RBFOX3: variants seen among roughly 807,000 people sequenced by gnomAD.
RBFOX3 encodes the protein RNA binding fox-1 homolog 3, also known as RNA binding protein fox-1 homolog 3.
Under a neutral mutation model 48.7 loss-of-function variants are expected in RBFOX3, and 17 were observed. The ratio of observed to expected loss-of-function variants is 0.35; its 90% CI spans 0.24 to 0.52. The LOEUF (loss-of-function observed/expected upper bound fraction) is 0.52. RBFOX3 is among the 20% of genes least tolerant of loss of function. The pLI, the probability that RBFOX3 is intolerant of heterozygous loss-of-function variation, is 0.94. For synonymous variants in RBFOX3, 212 were observed against 209.5 expected, an observed-to-expected ratio of 1.01 and a Z score of -0.10; for missense variants, 382 against 497.5, an observed-to-expected ratio of 0.77 and a Z score of 2.21.
chr17:79,627,457 A>G, the RBFOX3 span, among the ~76,000 whole-genome samples: 4 of 152,180 alleles, frequency 2.6e-5, no homozygotes, highest in African/African-American at 9.7e-5. Flanking sequence ...CAGGGATGGG[A>G]CCAGGGCTCG....
rs2086487331 is a variant in RBFOX3 at position 79,362,181 on chromosome 17, C to T, written c.-174-54357G>A. 1.3e-5 allele frequency among the ~76,000 whole-genome samples: 2 copies of T among 152,362 alleles called. No homozygotes were observed. The highest frequency in any genetic ancestry group is 1.9e-4 in the East Asian group (1 of 5,182). The stretch of plus-strand genomic sequence containing the variant: ...CAAGCGCTGAGCCAACAGAGTTTGC[C>T]TCCTGCCTCACACCGGGGTCTTTCA... On this transcript the variant is annotated intron_variant, in intron 2 of 14. Transcript: ENST00000693108. The surrounding 1 kb of genome is among the most constrained non-coding windows in gnomAD (Gnocchi z 4.2).
Position 79,418,174 on chromosome 17 carries a change from C to T in RBFOX3, c.-175+64280G>A, listed in dbSNP as rs1555720135. On this transcript the variant is annotated intron_variant, in intron 2 of 14. Transcript: ENST00000693108. The surrounding 1 kb of genome is among the most constrained non-coding windows in gnomAD (Gnocchi z 5.0). Reference sequence around the variant, plus strand: ...AACAAGATGAATGTACTTAATGCCACTGAACAGTGCACTTAAAAATGGTTA... The same window carrying T: ...AACAAGATGAATGTACTTAATGCCATTGAACAGTGCACTTAAAAATGGTTA... Among the ~76,000 whole-genome samples the T allele has an allele frequency of 6.6e-6, 1 of 152,220 alleles. No individual in the cohort carries two copies. Among genetic ancestry groups the T allele is most frequent in the East Asian group, 1.9e-4 (1 of 5,204 alleles).
At chr17:79,529,682 A>T (rs2087397061) in intron 1 of RBFOX3, among the ~76,000 whole-genome samples, 1 of 152,194 alleles carries the variant, frequency 6.6e-6, no homozygotes, top group Non-Finnish European at 1.5e-5. Context: ...AGCCCTGGGG[A>T]CACCGCTGAG....
At chr17:79,578,087 G>C (rs2092922559) in intron 1 of RBFOX3, among the ~76,000 whole-genome samples, 1 of 152,278 alleles carries the variant, frequency 6.6e-6, no homozygotes, top group Admixed American at 6.5e-5. Context: ...GGATGGGCAG[G>C]AGGCAGAGCT....
intron 4 of RBFOX3, among the ~76,000 whole-genome samples, chr17:79,183,052 C>G (rs2052485279): frequency 6.7e-6 from 1 of 149,198 alleles, no homozygotes; most frequent in Non-Finnish European, 1.5e-5. Flanking sequence ...CCCCCCGCCT[C>G]GCGCCGCGCG....
chr17:79,166,697 A>G (rs2612759), intron 4 of RBFOX3, among the ~76,000 whole-genome samples: 148,635 of 152,208 alleles, frequency 0.98, 72,676 homozygotes, highest in Non-Finnish European at 1. Flanking sequence ...CAGGCCACTC[A>G]GAGCCCATCC....
chr17:79,288,879 C>T lies in RBFOX3; in HGVS notation c.-74+18845G>A, dbSNP rs149530408. ...AGTAGAGTGTTCTAGGCAGAAGGAA[C>T]ACTGCATGAAAAGCACAAGTTCTGA... On this transcript the variant is annotated intron_variant, in intron 3 of 14. Transcript: ENST00000693108. 1.2e-3 allele frequency among the ~76,000 whole-genome samples: 176 copies of T among 152,264 alleles called. 1 individual carries two copies. The highest frequency in any genetic ancestry group is 4.0e-3 in the African/African-American group (168 of 41,548).
At chr17:79,616,205 T>A in the RBFOX3 span, among the ~76,000 whole-genome samples, 627 of 152,248 alleles carry the variant, frequency 4.1e-3, 4 homozygotes, top group Non-Finnish European at 6.5e-3. Context: ...GAGTAAATTA[T>A]AAGGTTACTC....
chr17:79,572,638 A>G (rs1213348265), intron 1 of RBFOX3, among the ~76,000 whole-genome samples: 2 of 152,210 alleles, frequency 1.3e-5, no homozygotes, highest in Non-Finnish European at 2.9e-5. Flanking sequence ...CCAGGTGAGT[A>G]CCACAGTCTT....
intron 1 of RBFOX3, among the ~76,000 whole-genome samples, chr17:79,602,516 C>T (rs1458891002): frequency 6.6e-6 from 1 of 152,188 alleles, no homozygotes; most frequent in Non-Finnish European, 1.5e-5. Context: ...CCACACGCCC[C>T]GTCCCAGGTC....
intron 4 of RBFOX3, among the ~76,000 whole-genome samples, chr17:79,125,274 T>C (rs1210269976): frequency 6.6e-6 from 1 of 152,168 alleles, no homozygotes; most frequent in African/African-American, 2.4e-5. Context: ...TGGGTGTACA[T>C]GTCCTTGGTC....
Position 79,361,516 on chromosome 17 carries a change from C to G in RBFOX3, c.-174-53692G>C, listed in dbSNP as rs1025888158. ...TGGCCACCACCTCCTGCCCCTGAGC[C>G]CGCGTGGCTCTCTGTGCCACAGCTG... On this transcript the variant is annotated intron_variant, in intron 2 of 14. Transcript: ENST00000693108. The surrounding 1 kb of genome is among the most constrained non-coding windows in gnomAD (Gnocchi z 4.5). Among the ~76,000 whole-genome samples the G allele has an allele frequency of 3.9e-5, 6 of 152,210 alleles. No individual in the cohort carries two copies. Among genetic ancestry groups the G allele is most frequent in the Admixed American group, 6.5e-5 (1 of 15,282 alleles).
At chr17:79,110,333 C>A (rs1275910089) in intron 5 of RBFOX3, among the ~76,000 whole-genome samples, 1 of 152,130 alleles carries the variant, frequency 6.6e-6, no homozygotes, top group African/African-American at 2.4e-5. Flanking sequence ...CAGCACCTCC[C>A]ACTCTCCACA....
rs2057321616 is a variant in RBFOX3, at chr17:79,205,152, TC to T, written c.-34+30613del. 6.6e-6 allele frequency among the ~76,000 whole-genome samples: 1 copy of T among 152,050 alleles called. No individual in the cohort carries two copies. Among genetic ancestry groups the T allele is most frequent in the Non-Finnish European group, 1.5e-5 (1 of 68,004 alleles). On this transcript the variant is annotated intron_variant, in intron 4 of 14. Transcript: ENST00000693108. This position sits in a 1 kb window ranked among gnomAD's most constrained non-coding sequence, Gnocchi z 4.5. ...TTTATAATGATAGCATCCCCATCCTTCCCCAGATGGACCTGTGGATACTTGC... is the reference window on the plus strand; with the variant it reads ...TTTATAATGATAGCATCCCCATCCTTCCCAGATGGACCTGTGGATACTTGC...
intron 2 of RBFOX3, among the ~76,000 whole-genome samples, chr17:79,433,709 G>A (rs1342006670): frequency 6.6e-6 from 1 of 151,120 alleles, no homozygotes; most frequent in Non-Finnish European, 1.5e-5. Context: ...AGCCCACACT[G>A]ACCTGCAGAC....
At chr17:79,377,547 C>T (rs1322589368) in intron 2 of RBFOX3, among the ~76,000 whole-genome samples, 3 of 152,182 alleles carry the variant, frequency 2.0e-5, no homozygotes, top group Non-Finnish European at 2.9e-5. Context: ...GCTGTAGGTG[C>T]GGCGGCCGAG....
intron 2 of RBFOX3, among the ~76,000 whole-genome samples, chr17:79,312,202 C>T (rs1021320496): frequency 6.7e-6 from 1 of 150,052 alleles, no homozygotes; most frequent in African/African-American, 2.5e-5. Flanking sequence ...TTAGGCACAC[C>T]AGGAGAAGTT....
At chr17:79,549,047 G>A (rs2143479115) in intron 1 of RBFOX3, among the ~76,000 whole-genome samples, 1 of 152,318 alleles carries the variant, frequency 6.6e-6, no homozygotes, top group East Asian at 1.9e-4. Context: ...AGAAACTGAG[G>A]CTCGGGATGG....
intron 4 of RBFOX3, among the ~76,000 whole-genome samples, chr17:79,209,299 C>T (rs902676311): frequency 2.6e-4 from 39 of 152,200 alleles, no homozygotes; most frequent in Admixed American, 2.6e-3. Flanking sequence ...ACCCCATCAC[C>T]ATGTTTGCAC....
Sources: allele counts gnomAD v4.1 joint callset (sites outside exome capture counted in the v4.1 genomes callset), GRCh38; gene constraint gnomAD v4.1.1; non-coding constraint Gnocchi (gnomAD v3.1); transcripts MANE v1.5; gene names NCBI Gene and HGNC (gene_info 2026-07-23, HGNC 2026-07-21).